Variants in GBE1 observed in about 807,000 individuals in gnomAD.
GBE1 encodes 1,4-alpha-glucan branching enzyme 1, also known as 1,4-alpha-glucan-branching enzyme.
A neutral mutation model predicts 88.8 loss-of-function variants in GBE1; 70 were observed. The observed-to-expected ratio is 0.79, with a 90% CI of 0.65 to 0.96. The LOEUF (loss-of-function observed/expected upper bound fraction) is 0.96. GBE1 is among the 40% of genes least tolerant of loss of function. The pLI is 0.00. For synonymous variants in GBE1, 284 were observed against 300.1 expected (o/e 0.95, Z 0.56); for missense variants, 872 against 871.0 (o/e 1.00, Z -0.01).
At chr3:81,648,798 A>C in intron 5 of GBE1, 58 bp downstream of exon 5, 1 of 1,026,022 alleles carries the variant, frequency 9.7e-7, no homozygotes, top group East Asian at 2.7e-5. Context: ...TAGCTTTTCT[A>C]ATAAGAGAAC....
chr3:81,635,886 A>G (rs1054664206), intron 7 of GBE1, among the ~76,000 whole-genome samples: 20 of 152,202 alleles, frequency 1.3e-4, no homozygotes, highest in African/African-American at 4.8e-4. Flanking sequence ...CTACTTCAGC[A>G]TGAGTTTGGA....
intron 1 of GBE1, among the ~76,000 whole-genome samples, chr3:81,707,789 T>G (rs1705799701): frequency 1.3e-5 from 2 of 152,174 alleles, no homozygotes; most frequent in South Asian, 4.1e-4. Flanking sequence ...AATTTCTTCT[T>G]TCCATTTCAC....
chr3:81,582,080 T>C (rs1255274906), intron 10 of GBE1, among the ~76,000 whole-genome samples: 1 of 152,094 alleles, frequency 6.6e-6, no homozygotes, highest in Non-Finnish European at 1.5e-5. Context: ...GTTTGTCCTA[T>C]AAAGGCTGGT....
chr3:81,553,555 T>C (rs1307059087), intron 12 of GBE1, among the ~76,000 whole-genome samples: 2 of 151,204 alleles, frequency 1.3e-5, no homozygotes, highest in East Asian at 3.9e-4. Context: ...CTTCCATTAG[T>C]AGACTATGTA....
At chr3:81,561,037 G>C (rs1045352982) in intron 12 of GBE1, among the ~76,000 whole-genome samples, 1 of 151,918 alleles carries the variant, frequency 6.6e-6, no homozygotes, top group African/African-American at 2.4e-5. Flanking sequence ...TTTTACAAAA[G>C]ATGAATCAGG....
chr3:81,550,088 A>T (rs550176897), intron 12 of GBE1, among the ~76,000 whole-genome samples: 1 of 151,604 alleles, frequency 6.6e-6, no homozygotes, highest in Non-Finnish European at 1.5e-5. Context: ...ACCCCATAAC[A>T]GCTTGGTTCC....
chr3:81,748,508 G>A (rs1225764503), intron 1 of GBE1, among the ~76,000 whole-genome samples: 1 of 151,948 alleles, frequency 6.6e-6, no homozygotes, highest in Non-Finnish European at 1.5e-5. Flanking sequence ...CTACTCGGGA[G>A]ACTGGGGCAG....
At chr3:81,694,706 C>A (rs1359009262) in intron 2 of GBE1, among the ~76,000 whole-genome samples, 1 of 152,106 alleles carries the variant, frequency 6.6e-6, no homozygotes, top group Non-Finnish European at 1.5e-5. Flanking sequence ...CAAGACAACC[C>A]AAGAGAATCA....
chr3:81,497,122 A>G (rs1702510704), intron 15 of GBE1, among the ~76,000 whole-genome samples: 1 of 152,202 alleles, frequency 6.6e-6, no homozygotes, highest in Non-Finnish European at 1.5e-5. Context: ...GTGATTGAAA[A>G]GTAATCTCCT....
At position 81,646,456 on chromosome 3, in the gene GBE1, T is replaced by C. The variant is rs868766244; in HGVS notation, c.718A>G (p.Ile240Val). Reference protein sequence around the residue: ...LGYNCIQLMAIMEHAYYASFG... With the variant: ...LGYNCIQLMAVMEHAYYASFG... Reference sequence around the variant, plus strand: ...CTGGCATAGTAAGCATGCTCCATGATTGCCATCAACTGAATGCAGTTGTAT... The same window carrying C: ...CTGGCATAGTAAGCATGCTCCATGACTGCCATCAACTGAATGCAGTTGTAT... The change falls in exon 6 of 16, where the codon ATC (isoleucine) becomes GTC (valine). Residue 240 changes from isoleucine (I) to valine (V), a missense_variant. Ile to Val is a conservative substitution (Grantham distance 29). Transcript: ENST00000429644. 6.2e-7 allele frequency: 1 copy of C among 1,603,996 alleles called. No individual in the cohort carries two copies. Among genetic ancestry groups the C allele is most frequent in the Non-Finnish European group, 8.5e-7 (1 of 1,174,998 alleles).
At position 81,761,586 on chromosome 3, in the gene GBE1, A is replaced by AG; in HGVS notation, c.-70dup. The AG allele has an allele frequency of 6.6e-7, 1 of 1,523,424 alleles. No homozygotes were observed. The highest frequency in any genetic ancestry group is 8.8e-7 in the Non-Finnish European group (1 of 1,136,170). 94.4% of individuals were successfully genotyped at this position (1,523,424 alleles called of 1,614,324 possible). On this transcript the variant is annotated 5_prime_UTR_variant, in exon 1 of 16. Transcript: ENST00000429644. ...GGGCCTGAGCGGGCGCTGGAGCTCT[A>AG]GCTGGGACGCGGCGGCTAGGGCGGA...
At chr3:81,640,328 G>A (rs1704654018) in intron 7 of GBE1, among the ~76,000 whole-genome samples, 1 of 152,036 alleles carries the variant, frequency 6.6e-6, no homozygotes, top group Admixed American at 6.6e-5. Context: ...AAAGCAGGCA[G>A]AGGAATGTGG....
chr3:81,591,415 T>C (rs1352747800), intron 8 of GBE1, among the ~76,000 whole-genome samples: 8 of 152,176 alleles, frequency 5.3e-5, no homozygotes, highest in African/African-American at 1.9e-4. Context: ...AAAGATTTAA[T>C]TTAATTTTAG....
intron 12 of GBE1, among the ~76,000 whole-genome samples, chr3:81,558,133 C>A (rs1336462320): frequency 2.0e-5 from 3 of 151,844 alleles, no homozygotes; most frequent in Non-Finnish European, 2.9e-5. Flanking sequence ...AGGTTGGTAA[C>A]CTATTTCTCA....
rs545103552 is a variant in GBE1, at chr3:81,611,357, T to C, written c.993-17334A>G. Among the ~76,000 whole-genome samples the C allele has an allele frequency of 1.2e-4, 18 of 152,256 alleles. No homozygotes were observed. In the South Asian group the frequency reaches 3.7e-3, roughly 32 times the overall value. On this transcript the variant is annotated intron_variant, in intron 7 of 15. Coordinates refer to ENST00000429644, the MANE Select transcript of GBE1 (RefSeq NM_000158.4). ...AGGGATATAGACAAATTCAGGTTTG[T>C]TAATAAATAAGAATTCAAAACCAAG... is the stretch of plus-strand genomic sequence containing the variant.
intron 9 of GBE1, among the ~76,000 whole-genome samples, chr3:81,587,260 C>T (rs563245719): frequency 6.6e-6 from 1 of 152,252 alleles, no homozygotes; most frequent in Admixed American, 6.5e-5. Flanking sequence ...CCAGATGTAA[C>T]AAAAGATATT....
At chr3:81,601,208 C>A (rs945888256) in intron 7 of GBE1, among the ~76,000 whole-genome samples, 2 of 152,028 alleles carry the variant, frequency 1.3e-5, no homozygotes, top group Admixed American at 1.3e-4. Context: ...CCAGACTCCA[C>A]CTGTTACACA....
At chr3:81,688,010 A>G (rs1705464313) in intron 2 of GBE1, among the ~76,000 whole-genome samples, 1 of 152,208 alleles carries the variant, frequency 6.6e-6, no homozygotes, top group Non-Finnish European at 1.5e-5. Context: ...TCCACACCAA[A>G]AAATCTTGCT....
At chr3:81,690,011 A>G (rs908886875) in intron 2 of GBE1, among the ~76,000 whole-genome samples, 1 of 152,094 alleles carries the variant, frequency 6.6e-6, no homozygotes, top group African/African-American at 2.4e-5. Context: ...TGGCTGTGTG[A>G]CAAGGCCCTG....
Sources: gnomAD v4.1 joint callset for allele counts (sites outside exome capture counted in the v4.1 genomes callset) on GRCh38, gnomAD v4.1.1 for gene constraint, MANE v1.5 for transcripts, NCBI Gene and HGNC (gene_info 2026-07-23, HGNC 2026-07-21) for gene names.